ZGRF1: variants seen among roughly 807,000 people sequenced by gnomAD.
The protein encoded by ZGRF1 is zinc finger GRF-type containing 1.
Under a neutral mutation model 203.5 loss-of-function variants are expected in ZGRF1, and 196 were observed. That is an observed-to-expected ratio of 0.96 (90% confidence interval 0.86 to 1.08). The LOEUF (loss-of-function observed/expected upper bound fraction) is 1.08, where lower values mean the gene tolerates loss of function less well. Among genes scored for constraint, ZGRF1 ranks in the 50% least tolerant of loss-of-function variants. The probability of loss-of-function intolerance (pLI) is 0.00; values close to 1 mark genes in which losing one functional copy is unlikely to be tolerated. For missense variants in ZGRF1, 2,326 were observed against 2,416.3 expected (o/e 0.96, Z 0.78); for synonymous variants, 809 against 841.3 (o/e 0.96, Z 0.66).
intron 7 of ZGRF1, among the ~76,000 whole-genome samples, chr4:112,611,489 C>G (rs1463653666): frequency 1.3e-5 from 2 of 152,176 alleles, no homozygotes; most frequent in Non-Finnish European, 2.9e-5. Flanking sequence ...AAGACCAGTG[C>G]CATATAATGA....
intron 10 of ZGRF1, among the ~76,000 whole-genome samples, chr4:112,596,289 C>T (rs1216840229): frequency 6.6e-6 from 1 of 152,078 alleles, no homozygotes; most frequent in Non-Finnish European, 1.5e-5. Context: ...CTAACCAAAG[C>T]ACCTAGTAAA....
At chr4:112,610,544 C>T (rs921845137) in intron 7 of ZGRF1, among the ~76,000 whole-genome samples, 18 of 151,746 alleles carry the variant, frequency 1.2e-4, no homozygotes, top group African/African-American at 4.4e-4. Flanking sequence ...GCTCTCCAGC[C>T]TGGGCAATAG....
Position 112,603,704 on chromosome 4 carries a change from G to T in ZGRF1, c.2803-7C>A. 1 of 1,606,164 alleles carries T rather than the reference G, an allele frequency of 6.2e-7. No individual in the cohort carries two copies. Among genetic ancestry groups the T allele is most frequent in the Non-Finnish European group, 8.5e-7 (1 of 1,175,214 alleles). On this transcript the variant is annotated splice_polypyrimidine_tract_variant and splice_region_variant and intron_variant, in intron 9 of 27. Transcript: ENST00000505019. ...GTCCTTGAAACTCAACAGGCTACAGGTAAATTATTAAAAATAAGAACTGCA... is the reference window on the plus strand; with the variant it reads ...GTCCTTGAAACTCAACAGGCTACAGTTAAATTATTAAAAATAAGAACTGCA...
rs1013283648 is a variant in ZGRF1, at chr4:112,539,991, C to T, written c.6044G>A (p.Gly2015Glu). The T allele has an allele frequency of 1.2e-6, 2 of 1,613,626 alleles. No homozygotes were observed. Among genetic ancestry groups the T allele is most frequent in the Non-Finnish European group, 1.7e-6 (2 of 1,179,802 alleles). The change falls in exon 27 of 28, where the codon GGA (glycine) becomes GAA (glutamate). Residue 2015 changes from glycine to glutamate, a missense_variant. Gly to Glu is a moderately conservative substitution (Grantham distance 98, BLOSUM62 -2). Transcript: ENST00000505019. The stretch of plus-strand genomic sequence containing the variant: ...CATTCTTTTTTCTGAATCAATGAAT[C>T]CTACTTGTCTTGTCCTTACACAGGA... ...ILSCVRTRQV[G>E]FIDSEKRMNV...
chr4:112,633,416 C>A (rs1249246917), intron 1 of ZGRF1, among the ~76,000 whole-genome samples, 174 bp from the exon 2 acceptor site: 1 of 152,138 alleles, frequency 6.6e-6, no homozygotes, highest in Non-Finnish European at 1.5e-5. Flanking sequence ...AAAAGTGATA[C>A]CATGCTGTGA....
intron 1 of ZGRF1, among the ~76,000 whole-genome samples, chr4:112,633,737 T>C (rs1280328911): frequency 6.6e-6 from 1 of 152,244 alleles, no homozygotes; most frequent in Non-Finnish European, 1.5e-5. Flanking sequence ...TTACTGTAGT[T>C]GTTATGCTAT....
intron 8 of ZGRF1, among the ~76,000 whole-genome samples, chr4:112,607,536 A>G (rs1388064413): frequency 2.0e-5 from 3 of 152,250 alleles, no homozygotes; most frequent in Non-Finnish European, 4.4e-5. Context: ...ACTTTTAAAA[A>G]TGAGGCAGAA....
At chr4:112,557,276 A>G (rs1301008043) in intron 20 of ZGRF1, among the ~76,000 whole-genome samples, 1 of 151,954 alleles carries the variant, frequency 6.6e-6, no homozygotes, top group Non-Finnish European at 1.5e-5. Context: ...AGTTCAAGCA[A>G]TTCTCCTGCC....
At chr4:112,539,750 C>G (rs1016017271) in intron 27 of ZGRF1, 61 bp from the exon 28 acceptor site, 1 of 1,559,630 alleles carries the variant, frequency 6.4e-7, no homozygotes, top group African/African-American at 1.4e-5. Flanking sequence ...CCAATATTAT[C>G]ATGTCAGTTA....
At chr4:112,564,727 A>T (rs965947189) in intron 16 of ZGRF1, among the ~76,000 whole-genome samples, 1 of 152,148 alleles carries the variant, frequency 6.6e-6, no homozygotes, top group Non-Finnish European at 1.5e-5. Flanking sequence ...TTTAATTTTT[A>T]AAAAATGATC....
rs1172253015 is a variant in ZGRF1, at chr4:112,564,933, G to A, written c.4439-1659C>T. The A allele has an allele frequency of 1.3e-5, 10 of 750,472 alleles. No homozygotes were observed. The East Asian group carries it at 1.8e-4, about 13-fold the overall frequency. 46.5% of individuals were successfully genotyped at this position (750,472 alleles called of 1,614,324 possible). A position where few individuals can be genotyped will look rare whatever the true frequency, so the allele number is the denominator to read the frequency against. ...CTCTCCAACGCCAGCGCCGCCTGTC[G>A]CTGACCAAGCTCCAGCCGAAGGAGA... On this transcript the variant is annotated intron_variant, in intron 16 of 27. Coordinates refer to ENST00000505019, the MANE Select transcript of ZGRF1 (RefSeq NM_018392.5).
intron 27 of ZGRF1, 60 bp downstream of exon 27, chr4:112,539,803 T>C: frequency 6.3e-7 from 1 of 1,596,542 alleles, no homozygotes; most frequent in Non-Finnish European, 8.6e-7. Flanking sequence ...ACCCCAAGCA[T>C]TAACCCATAA....
At chr4:112,606,532 A>T (rs1027864195) in intron 8 of ZGRF1, among the ~76,000 whole-genome samples, 1 of 151,990 alleles carries the variant, frequency 6.6e-6, no homozygotes, top group Non-Finnish European at 1.5e-5. Flanking sequence ...GTGGTGGCAC[A>T]TGCCTGTAAT....
At chr4:112,554,656 C>G (rs1391126279) in intron 21 of ZGRF1, 49 bp downstream of exon 21, 5 of 881,942 alleles carry the variant, frequency 5.7e-6, no homozygotes, top group South Asian at 4.5e-5. Flanking sequence ...ATAAAAGTAC[C>G]ATACTTCCCT....
chr4:112,553,326 T>A (rs773428544), intron 22 of ZGRF1, among the ~76,000 whole-genome samples: 1 of 152,232 alleles, frequency 6.6e-6, no homozygotes, highest in Non-Finnish European at 1.5e-5. Flanking sequence ...CAGCCTGGAA[T>A]CTTGTGTGCT....
Position 112,618,580 on chromosome 4 carries a change from C to T in ZGRF1, c.1462G>A (p.Glu488Lys), listed in dbSNP as rs369081303. The T allele has an allele frequency of 1.9e-6, 3 of 1,613,536 alleles. No homozygotes were observed. In the African/African-American group the frequency reaches 4.0e-5, roughly 22 times the overall value. ...GAGATCCTAGAATTATTACTAGATT[C>T]AATTTGGAGATGTTTCAGTTCTGGC... The part of the protein sequence containing the change: ...SLPELKHLQI[E>K]SSNNSRISDD... Residue 488 changes from glutamate (E) to lysine (K), a missense_variant, in exon 6 of 28, where the codon GAA (glutamate) becomes AAA (lysine). By Grantham distance (56) the Glu-to-Lys change is moderately conservative. Transcript: ENST00000505019.
intron 3 of ZGRF1, among the ~76,000 whole-genome samples, chr4:112,625,185 A>G (rs1025174458): frequency 6.6e-6 from 1 of 152,190 alleles, no homozygotes; most frequent in African/African-American, 2.4e-5. Context: ...ACTACTTCGG[A>G]AGCTAAGGCG....
intron 10 of ZGRF1, among the ~76,000 whole-genome samples, chr4:112,594,377 G>T (rs1395667495): frequency 1.3e-5 from 2 of 151,486 alleles, no homozygotes; most frequent in Admixed American, 1.3e-4. Context: ...TACTACTGTT[G>T]GGACTCTTTT....
At chr4:112,625,985 T>C (rs2047227990) in intron 3 of ZGRF1, among the ~76,000 whole-genome samples, 1 of 152,122 alleles carries the variant, frequency 6.6e-6, no homozygotes, top group Non-Finnish European at 1.5e-5. Context: ...AATATTATGC[T>C]AAATAAGACT....
Sources: gnomAD v4.1 joint callset for allele counts (sites outside exome capture counted in the v4.1 genomes callset) on GRCh38, gnomAD v4.1.1 for gene constraint, MANE v1.5 for transcripts, NCBI Gene and HGNC (gene_info 2026-07-23, HGNC 2026-07-21) for gene names.